Variants in FHOD3 observed in about 807,000 individuals in gnomAD.
The protein encoded by FHOD3 is FH1/FH2 domain-containing protein 3.
In FHOD3, 90 loss-of-function variants were observed where a neutral mutation model predicts 173.0. The observed-to-expected ratio is 0.52, with a 90% CI of 0.44 to 0.62. FHOD3 has a LOEUF of 0.62. FHOD3 is among the 20% of genes least tolerant of loss of function. The pLI, the probability that FHOD3 is intolerant of heterozygous loss-of-function variation, is 0.00. For missense variants in FHOD3, 1,945 were observed against 2,034.7 expected, an observed-to-expected ratio of 0.96 and a Z score of 0.85; for synonymous variants, 828 against 823.0, an observed-to-expected ratio of 1.01 and a Z score of -0.10.
intron 3 of FHOD3, among the ~76,000 whole-genome samples, chr18:36,376,579 AG>A (rs1245095053): frequency 2.0e-5 from 3 of 152,172 alleles, no homozygotes; most frequent in Non-Finnish European, 4.4e-5. Context: ...GAGGCTGTCA[AG>A]GGGGCTGAAG....
At position 36,516,471 on chromosome 18, in the gene FHOD3, C is replaced by T. The variant is rs547655829; in HGVS notation, c.511+3928C>T. Reference sequence around the variant, plus strand: ...GAAGCTCAGAGTGGCTCTGGAGTGGCGAGGGCCTGTGTATAGTAGCCCAAG... The same window carrying T: ...GAAGCTCAGAGTGGCTCTGGAGTGGTGAGGGCCTGTGTATAGTAGCCCAAG... On this transcript the variant is annotated intron_variant, in intron 5 of 28. Coordinates refer to ENST00000590592, the MANE Select transcript of FHOD3 (RefSeq NM_001281740.3). 3.2e-4 allele frequency among the ~76,000 whole-genome samples: 49 copies of T among 152,140 alleles called. No individual in the cohort carries two copies. The East Asian group carries it at 6.8e-3, about 21-fold the overall frequency.
intron 3 of FHOD3, among the ~76,000 whole-genome samples, chr18:36,401,255 A>G (rs953715336): frequency 2.6e-5 from 4 of 152,112 alleles, no homozygotes; most frequent in African/African-American, 7.2e-5. Context: ...GGCCCAAGGA[A>G]GCTTGTTAAC....
At chr18:36,544,002 A>G (rs1267786872) in intron 5 of FHOD3, among the ~76,000 whole-genome samples, 4 of 152,224 alleles carry the variant, frequency 2.6e-5, no homozygotes, top group African/African-American at 9.6e-5. Context: ...ATCTCCAAAC[A>G]AAACATGTAA....
intron 3 of FHOD3, among the ~76,000 whole-genome samples, chr18:36,416,067 T>C (rs1239067959): frequency 1.3e-5 from 2 of 152,204 alleles, no homozygotes; most frequent in Non-Finnish European, 2.9e-5. Flanking sequence ...GGAGTTTCAC[T>C]CTGTTGCTAG....
intron 1 of FHOD3, among the ~76,000 whole-genome samples, chr18:36,341,711 C>G (rs775220484): frequency 1.9e-4 from 29 of 152,168 alleles, no homozygotes; most frequent in Non-Finnish European, 2.9e-4. Context: ...ATAGGCCATA[C>G]AAACACTGAA....
chr18:36,598,716 A>AT, intron 7 of FHOD3, among the ~76,000 whole-genome samples: 1 of 152,086 alleles, frequency 6.6e-6, no homozygotes, highest in Non-Finnish European at 1.5e-5. Context: ...CACCTGGCTA[A>AT]TTTTTTGTAT....
chr18:36,584,058 G>GCTTA (rs1323623427), intron 6 of FHOD3, among the ~76,000 whole-genome samples: 4 of 152,136 alleles, frequency 2.6e-5, no homozygotes, highest in African/African-American at 9.7e-5. Flanking sequence ...AAACTCCTGA[G>GCTTA]CTTAGGTGAT....
chr18:36,731,579 A>T (rs1485441091), intron 20 of FHOD3, among the ~76,000 whole-genome samples: 1 of 152,208 alleles, frequency 6.6e-6, no homozygotes, highest in African/African-American at 2.4e-5. Context: ...GGTGGCACCT[A>T]ACCCATCCTC....
At chr18:36,332,588 G>A (rs1409874877) in intron 1 of FHOD3, among the ~76,000 whole-genome samples, 2 of 152,232 alleles carry the variant, frequency 1.3e-5, no homozygotes, top group Non-Finnish European at 2.9e-5. Context: ...ACCCAATGCA[G>A]GTGTGAAACA....
chr18:36,709,602 A>G, intron 18 of FHOD3: 2 of 571,062 alleles, frequency 3.5e-6, no homozygotes. Flanking sequence ...ACAGCCCCCA[A>G]ACTGTCTGCC....
intron 6 of FHOD3, among the ~76,000 whole-genome samples, chr18:36,588,656 A>G (rs543293701): frequency 9.2e-5 from 14 of 152,334 alleles, no homozygotes; most frequent in African/African-American, 3.1e-4. Context: ...CGAGCAGCAT[A>G]TTTGACCTGC....
At chr18:36,670,759 T>C (rs1235778222) in intron 14 of FHOD3, among the ~76,000 whole-genome samples, 1 of 152,230 alleles carries the variant, frequency 6.6e-6, no homozygotes, top group African/African-American at 2.4e-5. Context: ...ATTTTGTAAA[T>C]TTTATCTTGC....
rs73423286 is a variant in FHOD3, at chr18:36,516,318, A to C, written c.511+3775A>C. Among the ~76,000 whole-genome samples, 616 of 152,338 alleles carry C rather than the reference A, an allele frequency of 4.0e-3. 5 individuals carry two copies. The highest frequency in any genetic ancestry group is 0.014 in the African/African-American group (592 of 41,574). On this transcript the variant is annotated intron_variant, in intron 5 of 28. Transcript: ENST00000590592. ...ATTCACAGTTCCCTGAGGAGAAGAC[A>C]CAGCACCCATGCAGGGCCACTCAGG...
chr18:36,430,175 G>A (rs1228348677), intron 3 of FHOD3, among the ~76,000 whole-genome samples: 1 of 152,202 alleles, frequency 6.6e-6, no homozygotes, highest in Non-Finnish European at 1.5e-5. Context: ...ATTTCATTGT[G>A]CATGATCTCC....
At chr18:36,590,280 T>A (rs930897988) in intron 6 of FHOD3, among the ~76,000 whole-genome samples, 10 of 152,196 alleles carry the variant, frequency 6.6e-5, no homozygotes, top group African/African-American at 2.4e-4. Context: ...AGAGGGTGTG[T>A]GGCCTCCACT....
intron 9 of FHOD3, among the ~76,000 whole-genome samples, chr18:36,614,928 G>A (rs562944911): frequency 3.1e-5 from 4 of 128,390 alleles, no homozygotes; most frequent in East Asian, 5.2e-4. Flanking sequence ...TCGGCTCACC[G>A]CAACCTCCAC....
At position 36,661,653 on chromosome 18, in the gene FHOD3, A is replaced by G. The variant is rs537443848; in HGVS notation, c.1835+3465A>G. ...GCCCACTTTGGAAATGCAAGTGGAC[A>G]TTGTCATGAGCTTGGAGTTTTCCAT... On this transcript the variant is annotated intron_variant, in intron 14 of 28. Coordinates refer to ENST00000590592, the MANE Select transcript of FHOD3 (RefSeq NM_001281740.3). 3.3e-5 allele frequency among the ~76,000 whole-genome samples: 5 copies of G among 152,320 alleles called. No individual in the cohort carries two copies. In the South Asian group the frequency reaches 1.0e-3, roughly 32 times the overall value.
intron 19 of FHOD3, among the ~76,000 whole-genome samples, chr18:36,723,300 A>G (rs941769726): frequency 6.6e-6 from 1 of 152,154 alleles, no homozygotes. Context: ...AAGAAATTTT[A>G]TTTCTGACTA....
At chr18:36,682,797 T>G (rs1014571848) in intron 15 of FHOD3, among the ~76,000 whole-genome samples, 1 of 152,140 alleles carries the variant, frequency 6.6e-6, no homozygotes, top group African/African-American at 2.4e-5. Context: ...GGCCAGGCTG[T>G]TGAACTCCTG....
Sources: allele counts gnomAD v4.1 joint callset (sites outside exome capture counted in the v4.1 genomes callset), GRCh38; gene constraint gnomAD v4.1.1; transcripts MANE v1.5; gene names NCBI Gene and HGNC (gene_info 2026-07-23, HGNC 2026-07-21).